The following KCNIP4 variants were observed in gnomAD, a reference collection of about 807,000 sequenced individuals.
KCNIP4 encodes Kv channel-interacting protein 4.
A neutral mutation model predicts 34.0 loss-of-function variants in KCNIP4; 12 were observed. The observed-to-expected ratio is 0.35, with a 90% CI of 0.23 to 0.57. KCNIP4 has a LOEUF of 0.57. Among genes scored for constraint, KCNIP4 ranks in the 20% least tolerant of loss-of-function variants. The pLI, the probability that KCNIP4 is intolerant of heterozygous loss-of-function variation, is 0.83. For synonymous variants in KCNIP4, 124 were observed against 102.2 expected (o/e 1.21, Z -1.29); for missense variants, 238 against 311.7 (o/e 0.76, Z 1.78).
chr4:20,871,419 A>T (rs1723442590), intron 2 of KCNIP4, among the ~76,000 whole-genome samples: 2 of 152,114 alleles, frequency 1.3e-5, no homozygotes, highest in Admixed American at 1.3e-4. Context: ...ATTGGCAGAA[A>T]ATATAACAGT....
At chr4:21,555,948 C>T (rs946911153) in intron 1 of KCNIP4, among the ~76,000 whole-genome samples, 3 of 152,012 alleles carry the variant, frequency 2.0e-5, no homozygotes, top group African/African-American at 4.8e-5. Context: ...CACAGCTGTG[C>T]GCTGTGAAAA....
rs73802492 is a variant in KCNIP4, at chr4:21,111,444, T to A, written c.62-228735A>T. Among the ~76,000 whole-genome samples the A allele has an allele frequency of 3.6e-3, 547 of 152,220 alleles. 4 individuals carry two copies. Among genetic ancestry groups the A allele is most frequent in the African/African-American group, 0.012 (497 of 41,510 alleles). On this transcript the variant is annotated intron_variant, in intron 1 of 8. Transcript: ENST00000382152. Reference sequence around the variant, plus strand: ...CCAAACAGATTTAGAGAGTCAGGTATAGGAAGAATGTGGCAACCATCTCCA... The same window carrying A: ...CCAAACAGATTTAGAGAGTCAGGTAAAGGAAGAATGTGGCAACCATCTCCA...
chr4:20,750,968 CAGG>C (rs1210902219), intron 4 of KCNIP4, among the ~76,000 whole-genome samples: 1 of 152,102 alleles, frequency 6.6e-6, no homozygotes, highest in East Asian at 1.9e-4. Context: ...GTCATAGTAA[CAGG>C]AGTACAGAAT....
chr4:21,697,447 C>T, intron 1 of KCNIP4: 1 of 1,551,998 alleles, frequency 6.4e-7, no homozygotes, highest in Non-Finnish European at 8.6e-7. Flanking sequence ...TCTTAAGCAA[C>T]AAGGTATTCC....
At chr4:20,901,648 G>T (rs558770604) in intron 1 of KCNIP4, among the ~76,000 whole-genome samples, 5 of 152,088 alleles carry the variant, frequency 3.3e-5, no homozygotes, top group African/African-American at 1.2e-4. Flanking sequence ...GTGATACATA[G>T]GTTAAAGTTA....
intron 2 of KCNIP4, among the ~76,000 whole-genome samples, chr4:20,871,676 CAG>C (rs1173907379): frequency 1.3e-5 from 2 of 152,124 alleles, no homozygotes; most frequent in Non-Finnish European, 2.9e-5. Flanking sequence ...TCATTCAACA[CAG>C]ACACAGTTTC....
intron 1 of KCNIP4, among the ~76,000 whole-genome samples, chr4:21,934,835 C>A (rs1295460717): frequency 2.0e-5 from 3 of 152,072 alleles, no homozygotes; most frequent in Non-Finnish European, 4.4e-5. Flanking sequence ...AGTTGCTTAA[C>A]CCCTTTGAGC....
intron 1 of KCNIP4, among the ~76,000 whole-genome samples, chr4:21,356,921 A>G (rs199607528): frequency 6.6e-6 from 1 of 152,204 alleles, no homozygotes; most frequent in South Asian, 2.1e-4. Context: ...AAACTATACT[A>G]CAAGGCTATA....
At chr4:20,803,334 GTGCAGTGGCTCACACCTATTAT>G (rs1198709889) in intron 3 of KCNIP4, among the ~76,000 whole-genome samples, 1 of 151,406 alleles carries the variant, frequency 6.6e-6, no homozygotes, top group Non-Finnish European at 1.5e-5. Context: ...AAATAGCCAC[GTGCAGTGGCTCACACCTATTAT>G]TGCAGTGGGT....
At chr4:21,369,615 A>C (rs1174145953) in intron 1 of KCNIP4, among the ~76,000 whole-genome samples, 1 of 146,766 alleles carries the variant, frequency 6.8e-6, no homozygotes, top group Non-Finnish European at 1.5e-5. Context: ...TTTTTAAAAG[A>C]AGAATGTAAT....
intron 1 of KCNIP4, among the ~76,000 whole-genome samples, chr4:21,655,229 TA>T (rs2108978392): frequency 6.6e-6 from 1 of 152,272 alleles, no homozygotes; most frequent in South Asian, 2.1e-4. Flanking sequence ...AGATTTATTT[TA>T]AGCCCTAGAA....
At chr4:21,340,816 AT>A (rs1716687708) in intron 1 of KCNIP4, among the ~76,000 whole-genome samples, 1 of 152,090 alleles carries the variant, frequency 6.6e-6, no homozygotes, top group Non-Finnish European at 1.5e-5. Flanking sequence ...CATTAGGTGG[AT>A]TTTTCAGATT....
intron 1 of KCNIP4, among the ~76,000 whole-genome samples, chr4:21,006,100 A>G (rs1038200559): frequency 6.6e-6 from 1 of 152,236 alleles, no homozygotes; most frequent in Non-Finnish European, 1.5e-5. Flanking sequence ...TAGAGCCAGA[A>G]TTTGAACTCA....
intron 1 of KCNIP4, among the ~76,000 whole-genome samples, chr4:21,934,697 C>G (rs920850190): frequency 1.3e-4 from 20 of 152,004 alleles, no homozygotes; most frequent in African/African-American, 4.8e-4. Context: ...CTCCACTCTT[C>G]CCCTGTCCTT....
intron 3 of KCNIP4, among the ~76,000 whole-genome samples, chr4:20,847,118 G>A (rs113379083): frequency 0.01 from 1,534 of 152,218 alleles, 11 homozygotes; most frequent in Non-Finnish European, 0.015. Flanking sequence ...ATACAACTGA[G>A]GTTGACCATT....
chr4:21,201,778 G>A (rs564253347), intron 1 of KCNIP4, among the ~76,000 whole-genome samples: 220 of 152,264 alleles, frequency 1.4e-3, no homozygotes, highest in African/African-American at 2.0e-3. Flanking sequence ...GATTATAGGC[G>A]TGAGCCACCA....
chr4:21,620,582 G>A (rs1245126238), intron 1 of KCNIP4, among the ~76,000 whole-genome samples: 1 of 152,096 alleles, frequency 6.6e-6, no homozygotes. Flanking sequence ...ATCTAAAACT[G>A]TCCCCAAATC....
rs116188590 is a variant in KCNIP4, at chr4:21,340,342, A to G, written c.62-457633T>C. 2.6e-3 allele frequency among the ~76,000 whole-genome samples: 394 copies of G among 152,294 alleles called. 3 individuals are homozygous for G. The highest frequency in any genetic ancestry group is 9.0e-3 in the African/African-American group (376 of 41,574). ...TCATTTACATTTTAAAAACCTTGTC[A>G]GTATTAACCAGATTATTCCTTCTAA... On this transcript the variant is annotated intron_variant, in intron 1 of 8. Transcript: ENST00000382152.
At position 21,890,803 on chromosome 4, in the gene KCNIP4, C is replaced by T. The variant is rs560406138; in HGVS notation, c.61+57768G>A. On this transcript the variant is annotated intron_variant, in intron 1 of 8. Transcript: ENST00000382152. Reference sequence around the variant, plus strand: ...GCATGCATTTATGTCAGCCAGACCCCGATGGATTTCAATAGTGATGGTACA... The same window carrying T: ...GCATGCATTTATGTCAGCCAGACCCTGATGGATTTCAATAGTGATGGTACA... 6.6e-5 allele frequency among the ~76,000 whole-genome samples: 10 copies of T among 152,098 alleles called. No homozygotes were observed. In the East Asian group the frequency reaches 1.2e-3, roughly 18 times the overall value.
Sources: gnomAD v4.1 joint callset for allele counts (sites outside exome capture counted in the v4.1 genomes callset) on GRCh38, gnomAD v4.1.1 for gene constraint, MANE v1.5 for transcripts, NCBI Gene and HGNC (gene_info 2026-07-23, HGNC 2026-07-21) for gene names.